Variants in STXBP5 observed in about 807,000 individuals in gnomAD.
STXBP5 encodes syntaxin-binding protein 5.
Under a neutral mutation model 152.4 loss-of-function variants are expected in STXBP5, and 50 were observed. The ratio of observed to expected loss-of-function variants is 0.33; its 90% CI spans 0.26 to 0.42. STXBP5 has a LOEUF of 0.42. STXBP5 is among the 10% of genes least tolerant of loss of function. The pLI is 1.00. For missense variants in STXBP5, 1,167 were observed against 1,388.6 expected (o/e 0.84, Z 2.54); for synonymous variants, 492 against 494.7 (o/e 0.99, Z 0.07).
At chr6:147,298,698 T>A (rs1241525721) in intron 9 of STXBP5, among the ~76,000 whole-genome samples, 1 of 151,946 alleles carries the variant, frequency 6.6e-6, no homozygotes, top group East Asian at 1.9e-4. Flanking sequence ...ACTGTAAAAA[T>A]ACATGGACAT....
At chr6:147,383,808 T>A (rs1786212585) in intron 27 of STXBP5, among the ~76,000 whole-genome samples, 1 of 152,066 alleles carries the variant, frequency 6.6e-6, no homozygotes, top group South Asian at 2.1e-4. Flanking sequence ...ATTTCCTCCT[T>A]GCTCAAAAAT....
At chr6:147,249,768 A>G (rs933912150) in intron 4 of STXBP5, among the ~76,000 whole-genome samples, 1 of 152,174 alleles carries the variant, frequency 6.6e-6, no homozygotes, top group Non-Finnish European at 1.5e-5. Context: ...GCAGCTGTAT[A>G]ATTTTTTACT....
At chr6:147,315,478 A>C (rs1469883515) in intron 14 of STXBP5, 37 bp from the exon 15 acceptor site, 1 of 1,381,242 alleles carries the variant, frequency 7.2e-7, no homozygotes, top group Non-Finnish European at 1.0e-6. Flanking sequence ...TGATCATTTT[A>C]TATTAAAGTA....
intron 2 of STXBP5, among the ~76,000 whole-genome samples, chr6:147,233,230 T>C (rs1393030604): frequency 1.3e-5 from 2 of 151,922 alleles, no homozygotes; most frequent in African/African-American, 2.4e-5. Flanking sequence ...CCTGATTTGG[T>C]GTGCATACCT....
intron 4 of STXBP5, 47 bp downstream of exon 4, chr6:147,239,317 AT>A: frequency 6.6e-7 from 1 of 1,520,306 alleles, no homozygotes. Flanking sequence ...TTACTATTAT[AT>A]TTTCTTGAAT....
At chr6:147,280,764 C>G (rs1392622393) in intron 8 of STXBP5, among the ~76,000 whole-genome samples, 2 of 152,028 alleles carry the variant, frequency 1.3e-5, no homozygotes, top group African/African-American at 2.4e-5. Context: ...AAAAGGGTCA[C>G]TAGCTAAAAT....
intron 8 of STXBP5, 39 bp downstream of exon 8, chr6:147,278,243 C>T (rs201082492): frequency 6.8e-5 from 103 of 1,518,180 alleles, no homozygotes; most frequent in East Asian, 2.9e-4. Context: ...CTAATTGTAA[C>T]GTACAGTAAA....
At position 147,287,655 on chromosome 6, in the gene STXBP5, A is replaced by G. The variant is rs190890359; in HGVS notation, c.839-3439A>G. ...GTCAGAGCCAGTTGTTTGTATCACA[A>G]CTTATTCAGCTATTTCAAATTAATG... On this transcript the variant is annotated intron_variant, in intron 8 of 27. Transcript: ENST00000321680. 8.2e-3 allele frequency among the ~76,000 whole-genome samples: 1,243 copies of G among 152,270 alleles called. 19 individuals are homozygous for G. The highest frequency in any genetic ancestry group is 0.029 in the African/African-American group (1,189 of 41,556).
At chr6:147,222,297 T>G (rs1420986741) in intron 2 of STXBP5, among the ~76,000 whole-genome samples, 1 of 152,214 alleles carries the variant, frequency 6.6e-6, no homozygotes, top group East Asian at 1.9e-4. Flanking sequence ...CTGTATTTTT[T>G]GCCTTTTAAT....
intron 9 of STXBP5, 91 bp from the exon 10 acceptor site, chr6:147,309,990 ATTT>A: frequency 4.5e-6 from 4 of 888,366 alleles, no homozygotes; most frequent in Non-Finnish European, 6.3e-6. Context: ...AGAATTTAAG[ATTT>A]TGTTATTTCA....
At chr6:147,230,659 C>CTGTGTG (rs148015603) in intron 2 of STXBP5, among the ~76,000 whole-genome samples, 40 of 149,100 alleles carry the variant, frequency 2.7e-4, no homozygotes, top group African/African-American at 6.6e-4. Flanking sequence ...ATATATTTTG[C>CTGTGTG]TGTGTGTGTG....
chr6:147,207,525 A>G (rs1269153211), intron 2 of STXBP5, among the ~76,000 whole-genome samples: 3 of 152,278 alleles, frequency 2.0e-5, no homozygotes, highest in South Asian at 2.1e-4. Flanking sequence ...TCCTGAACTC[A>G]GTGATCAAGA....
intron 2 of STXBP5, among the ~76,000 whole-genome samples, chr6:147,217,505 A>G (rs2115065621): frequency 6.6e-6 from 1 of 152,342 alleles, no homozygotes. Flanking sequence ...ATCAAAAGCC[A>G]TTCTAAAGAA....
intron 7 of STXBP5, among the ~76,000 whole-genome samples, chr6:147,274,196 A>C (rs1780327611): frequency 6.6e-6 from 1 of 152,154 alleles, no homozygotes; most frequent in South Asian, 2.1e-4. Flanking sequence ...TAAAACAATG[A>C]ATAATTTGGT....
chr6:147,344,868 T>G (rs1024989137), intron 21 of STXBP5, among the ~76,000 whole-genome samples: 34 of 152,332 alleles, frequency 2.2e-4, no homozygotes, highest in Middle Eastern at 3.4e-3. Flanking sequence ...GCAAAGAGTT[T>G]AATTATGATG....
At chr6:147,318,986 C>G (rs929211002) in intron 16 of STXBP5, among the ~76,000 whole-genome samples, 1 of 152,106 alleles carries the variant, frequency 6.6e-6, no homozygotes, top group Admixed American at 6.5e-5. Flanking sequence ...GTGTTTGTGT[C>G]TTCTTAACAC....
At chr6:147,245,010 T>TTTA (rs1778740814) in intron 4 of STXBP5, among the ~76,000 whole-genome samples, 1 of 149,372 alleles carries the variant, frequency 6.7e-6, no homozygotes, top group Admixed American at 6.7e-5. Context: ...TTTTTTTTTT[T>TTTA]TAGAGGGAAT....
At chr6:147,370,201 T>C (rs921697660) in intron 25 of STXBP5, among the ~76,000 whole-genome samples, 1 of 151,976 alleles carries the variant, frequency 6.6e-6, no homozygotes, top group Non-Finnish European at 1.5e-5. Flanking sequence ...CAAATTATAG[T>C]GAAAGAGCAG....
intron 7 of STXBP5, among the ~76,000 whole-genome samples, chr6:147,273,762 T>C (rs1780297946): frequency 6.6e-6 from 1 of 151,908 alleles, no homozygotes; most frequent in South Asian, 2.1e-4. Flanking sequence ...CCATCCTGGG[T>C]AACAGGGTGA....
Sources: gnomAD v4.1 joint callset for allele counts (sites outside exome capture counted in the v4.1 genomes callset) on GRCh38, gnomAD v4.1.1 for gene constraint, MANE v1.5 for transcripts, NCBI Gene and HGNC (gene_info 2026-07-23, HGNC 2026-07-21) for gene names.